Variants in CTNNA3 observed in about 807,000 individuals in gnomAD.
CTNNA3 encodes catenin alpha-3.
CTNNA3 carries 76 observed loss-of-function variants against 95.7 expected under a neutral mutation model. The observed-to-expected ratio is 0.79, with a 90% CI of 0.66 to 0.96. The LOEUF is 0.96. CTNNA3 is among the 40% of genes least tolerant of loss of function. CTNNA3 has a pLI of 0.00. For synonymous variants in CTNNA3, 431 were observed against 374.4 expected, an observed-to-expected ratio of 1.15 and a Z score of -1.74; for missense variants, 1,191 against 1,089.8, an observed-to-expected ratio of 1.09 and a Z score of -1.31.
At position 66,651,874 on chromosome 10, in the gene CTNNA3, C is replaced by T. The variant is rs555779251; in HGVS notation, c.1282-30090G>A. On this transcript the variant is annotated intron_variant, in intron 9 of 17. Transcript: ENST00000433211. Reference sequence around the variant, plus strand: ...GGAGCCGGCTCCTGCCTCGGCCAGCCCAGAGAGGGGCTCCCACAGTGCAAC... The same window carrying T: ...GGAGCCGGCTCCTGCCTCGGCCAGCTCAGAGAGGGGCTCCCACAGTGCAAC... Among the ~76,000 whole-genome samples, 392 of 151,520 alleles carry T rather than the reference C, an allele frequency of 2.6e-3. 6 individuals are homozygous for T. The highest frequency in any genetic ancestry group is 3.9e-3 in the Non-Finnish European group (263 of 67,874).
intron 7 of CTNNA3, among the ~76,000 whole-genome samples, chr10:66,905,649 A>G (rs911004446): frequency 6.6e-6 from 1 of 152,214 alleles, no homozygotes; most frequent in Non-Finnish European, 1.5e-5. Flanking sequence ...AAAGAAAAAC[A>G]TGGTATATAC....
In CTNNA3 at chr10:66,248,359, CAG is replaced by C. The variant is rs1276283170; in HGVS notation, c.1884+32109_1884+32110del. On this transcript the variant is annotated intron_variant, in intron 13 of 17. Transcript: ENST00000433211. ...GAAAGAGAAAATCATAAAAAAAAAA[CAG>C]AAAAAAAATAGCAGGAGTAAGTCCT... Among the ~76,000 whole-genome samples, 6 of 127,742 alleles carry C rather than the reference CAG, an allele frequency of 4.7e-5. 1 individual carries two copies. Among genetic ancestry groups the C allele is most frequent in the Middle Eastern group, 9.8e-3 (2 of 204 alleles). The allele number at this position is 127,742 out of a possible 152,430, so 83.8% of individuals were successfully genotyped here. A position where few individuals can be genotyped will look rare whatever the true frequency, so the allele number is the denominator to read the frequency against.
At chr10:67,351,527 T>A (rs1007828845) in intron 5 of CTNNA3, among the ~76,000 whole-genome samples, 1 of 152,018 alleles carries the variant, frequency 6.6e-6, no homozygotes, top group South Asian at 2.1e-4. Flanking sequence ...TATAATTTTT[T>A]AAAAATTATA....
chr10:65,958,003 C>T lies in CTNNA3; in HGVS notation c.2400+8609G>A, dbSNP rs538155663. On this transcript the variant is annotated intron_variant, in intron 17 of 17. Transcript: ENST00000433211. ...TTTTCCAGCTTGGTTCTATTCTCCCCGTCACTTTCAGGTACACCAATCAGA... is the reference window on the plus strand; with the variant it reads ...TTTTCCAGCTTGGTTCTATTCTCCCTGTCACTTTCAGGTACACCAATCAGA... Among the ~76,000 whole-genome samples the T allele has an allele frequency of 1.2e-4, 18 of 152,234 alleles. No individual in the cohort carries two copies. In the South Asian group the frequency reaches 2.1e-3, roughly 18 times the overall value.
intron 12 of CTNNA3, among the ~76,000 whole-genome samples, chr10:66,350,410 C>T (rs1486503818): frequency 1.3e-5 from 2 of 151,908 alleles, no homozygotes; most frequent in African/African-American, 4.8e-5. Flanking sequence ...AAACAAGAAG[C>T]AAAACTTAGA....
At chr10:66,538,404 G>A (rs1261105173) in intron 10 of CTNNA3, among the ~76,000 whole-genome samples, 2 of 152,126 alleles carry the variant, frequency 1.3e-5, no homozygotes, top group Admixed American at 6.5e-5. Flanking sequence ...CCAGAGGTTA[G>A]TGCTTGTAAA....
intron 2 of CTNNA3, among the ~76,000 whole-genome samples, chr10:67,612,898 G>A (rs1469910587): frequency 8.5e-5 from 13 of 152,096 alleles, no homozygotes; most frequent in Admixed American, 8.5e-4. Context: ...TTCTGCCCTC[G>A]TTGAATCTTT....
At chr10:67,760,545 C>A (rs1841456837) in intron 1 of CTNNA3, among the ~76,000 whole-genome samples, 1 of 152,184 alleles carries the variant, frequency 6.6e-6, no homozygotes, top group Admixed American at 6.5e-5. Flanking sequence ...GACTACCACA[C>A]ACTTAGTCTA....
At chr10:67,733,129 G>T (rs563650248) in intron 1 of CTNNA3, among the ~76,000 whole-genome samples, 17 of 152,194 alleles carry the variant, frequency 1.1e-4, no homozygotes, top group Middle Eastern at 3.4e-3. Context: ...ATCAAATTAT[G>T]TGCAAGGATT....
intron 12 of CTNNA3, among the ~76,000 whole-genome samples, chr10:66,377,512 T>C (rs914458629): frequency 1.3e-5 from 2 of 152,080 alleles, no homozygotes; most frequent in Admixed American, 1.3e-4. Flanking sequence ...GGCATAAAAC[T>C]GTAAACCTGG....
At chr10:66,683,370 T>C (rs1847134442) in intron 9 of CTNNA3, among the ~76,000 whole-genome samples, 1 of 152,186 alleles carries the variant, frequency 6.6e-6, no homozygotes, top group South Asian at 2.1e-4. Flanking sequence ...ATCAAAATTC[T>C]AGAACATTAA....
chr10:66,770,187 C>T (rs1840031688), intron 8 of CTNNA3, among the ~76,000 whole-genome samples: 1 of 152,100 alleles, frequency 6.6e-6, no homozygotes, highest in South Asian at 2.1e-4. Flanking sequence ...TGTGAAAGGA[C>T]TAGAATGTTA....
At chr10:66,718,222 A>C (rs1848515685) in intron 9 of CTNNA3, among the ~76,000 whole-genome samples, 1 of 151,974 alleles carries the variant, frequency 6.6e-6, no homozygotes, top group African/African-American at 2.4e-5. Flanking sequence ...CTGTCTCAAT[A>C]ATCCTAAATG....
intron 9 of CTNNA3, among the ~76,000 whole-genome samples, chr10:66,702,707 CAAAAAAAAAAA>C (rs36140474): frequency 1.2e-5 from 1 of 81,250 alleles, no homozygotes; most frequent in Admixed American, 1.4e-4. Context: ...AACTCCACCT[CAAAAAAAAAAA>C]AAAAAAAAAG....
intron 5 of CTNNA3, among the ~76,000 whole-genome samples, chr10:67,500,557 G>C (rs761687203): frequency 2.2e-4 from 33 of 152,210 alleles, no homozygotes; most frequent in South Asian, 8.3e-4. Context: ...TTGTGTGGGA[G>C]TCTAAGTCTC....
At chr10:67,633,124 C>G (rs1404012797) in intron 2 of CTNNA3, among the ~76,000 whole-genome samples, 1 of 152,042 alleles carries the variant, frequency 6.6e-6, no homozygotes, top group African/African-American at 2.4e-5. Flanking sequence ...TATAGCCAGA[C>G]TGATTCTTTA....
intron 2 of CTNNA3, among the ~76,000 whole-genome samples, chr10:67,643,737 T>C (rs1361661339): frequency 6.6e-6 from 1 of 151,906 alleles, no homozygotes; most frequent in African/African-American, 2.4e-5. Context: ...CCTGTGTCCA[T>C]GTGTTCTCAT....
At chr10:66,337,659 A>G (rs1157884613) in intron 12 of CTNNA3, among the ~76,000 whole-genome samples, 2 of 152,166 alleles carry the variant, frequency 1.3e-5, no homozygotes, top group Non-Finnish European at 2.9e-5. Context: ...GATCAACATC[A>G]AAAGTAATTA....
chr10:67,420,688 T>C (rs946532863), intron 5 of CTNNA3, among the ~76,000 whole-genome samples: 4 of 152,192 alleles, frequency 2.6e-5, no homozygotes, highest in Non-Finnish European at 4.4e-5. Context: ...TTTATTTTCC[T>C]TATTACTATT....
Sources: gnomAD v4.1 joint callset for allele counts (sites outside exome capture counted in the v4.1 genomes callset) on GRCh38, gnomAD v4.1.1 for gene constraint, MANE v1.5 for transcripts, NCBI Gene and HGNC (gene_info 2026-07-23, HGNC 2026-07-21) for gene names.